Variants in CACNG2 observed in about 807,000 individuals in gnomAD.
CACNG2 encodes calcium voltage-gated channel auxiliary subunit gamma 2.
CACNG2 carries 3 observed loss-of-function variants against 25.9 expected under a neutral mutation model. The ratio of observed to expected loss-of-function variants is 0.12; its 90% CI spans 0.05 to 0.30. The LOEUF is 0.30. Ranked by LOEUF, CACNG2 falls within the 10% of genes least tolerant of loss-of-function variation. The pLI, the probability that CACNG2 is intolerant of heterozygous loss-of-function variation, is 1.00. For synonymous variants in CACNG2, 167 were observed against 173.3 expected (o/e 0.96, Z 0.29); for missense variants, 341 against 432.5 (o/e 0.79, Z 1.88).
At chr22:36,601,401 T>C (rs1266746112) in intron 1 of CACNG2, among the ~76,000 whole-genome samples, 4 of 152,264 alleles carry the variant, frequency 2.6e-5, no homozygotes, top group Admixed American at 1.3e-4. Context: ...AGTTTCTTTA[T>C]TCATTCATCC....
chr22:36,610,847 G>A (rs1011918872), intron 1 of CACNG2, among the ~76,000 whole-genome samples: 1 of 152,176 alleles, frequency 6.6e-6, no homozygotes. Flanking sequence ...TGGGGAGACC[G>A]CCAAGGCCTC....
intron 1 of CACNG2, among the ~76,000 whole-genome samples, chr22:36,607,589 T>C (rs1410490720): frequency 1.3e-5 from 2 of 152,146 alleles, no homozygotes; most frequent in African/African-American, 2.4e-5. Context: ...TTTTGTGGCA[T>C]AGAGTCAAGC....
intron 1 of CACNG2, among the ~76,000 whole-genome samples, chr22:36,623,684 TC>T (rs1333924066): frequency 6.6e-6 from 1 of 152,040 alleles, no homozygotes; most frequent in Non-Finnish European, 1.5e-5. Context: ...CAGCTGAGCA[TC>T]TAGGGGGAAT....
Position 36,564,468 on chromosome 22 carries a change from G to A in CACNG2, c.855C>T (p.Thr285=), listed in dbSNP as rs1433492956. 2.5e-6 allele frequency: 4 copies of A among 1,614,110 alleles called. No individual in the cohort carries two copies. The highest frequency in any genetic ancestry group is 2.2e-5 in the South Asian group (2 of 91,082). Residue 285 remains threonine (T), a synonymous_variant, in exon 4 of 4, where the codon ACC becomes ACT. Transcript: ENST00000300105. The surrounding 1 kb of genome is among the most constrained non-coding windows in gnomAD (Gnocchi z 6.7). ...RDPLKAATTP[T]ATYNSDRDNS... Reference sequence around the variant, plus strand: ...TATCCCTGTCGGAGTTGTAGGTGGCGGTGGGCGTGGTGGCGGCCTTCAGGG... The same window carrying A: ...TATCCCTGTCGGAGTTGTAGGTGGCAGTGGGCGTGGTGGCGGCCTTCAGGG...
chr22:36,666,494 G>GA (rs1936876416), intron 1 of CACNG2, among the ~76,000 whole-genome samples: 1 of 152,110 alleles, frequency 6.6e-6, no homozygotes, highest in African/African-American at 2.4e-5. Context: ...ACAGAATGCA[G>GA]AAGCATGGTT....
At chr22:36,623,183 G>C (rs1323781614) in intron 1 of CACNG2, among the ~76,000 whole-genome samples, 1 of 151,388 alleles carries the variant, frequency 6.6e-6, no homozygotes, top group African/African-American at 2.4e-5. Flanking sequence ...TCCATGTTGG[G>C]CTAATTTTTG....
At chr22:36,695,199 G>C (rs1267928550) in intron 1 of CACNG2, among the ~76,000 whole-genome samples, 2 of 151,984 alleles carry the variant, frequency 1.3e-5, no homozygotes, top group East Asian at 3.9e-4. Context: ...CTGGGTGAAA[G>C]AGTGAGACTC....
At chr22:36,695,983 C>A (rs569473569) in intron 1 of CACNG2, among the ~76,000 whole-genome samples, 1 of 152,244 alleles carries the variant, frequency 6.6e-6, no homozygotes, top group South Asian at 2.1e-4. Context: ...ATGCCTATTG[C>A]GTTTGAATAT....
rs1239740812 is a variant in CACNG2, at chr22:36,619,917, A to G, written c.212-32369T>C. Among the ~76,000 whole-genome samples, 3 of 152,254 alleles carry G rather than the reference A, an allele frequency of 2.0e-5. No homozygotes were observed. In the East Asian group the frequency reaches 5.8e-4, roughly 29 times the overall value. On this transcript the variant is annotated intron_variant, in intron 1 of 3. Transcript: ENST00000300105. ...CATGTTTATCAATCTGTTAAGAGTT[A>G]AATGCTGTCACTTGGGGTCATCGCT...
In CACNG2 at chr22:36,587,378, T is replaced by C. The variant is rs144245296; in HGVS notation, c.295+87A>G. On this transcript the variant is annotated intron_variant, in intron 2 of 3. Transcript: ENST00000300105. ...TGCCCTCTGCTGTGATGAGGGCCTC[T>C]AGGTAGGCCTGGTCCTTGACTCTGT... 707 of 954,888 alleles carry C rather than the reference T, an allele frequency of 7.4e-4. 5 individuals are homozygous for C. The African/African-American group carries it at 9.2e-3, about 12-fold the overall frequency. The allele number at this position is 954,888 out of a possible 1,614,324, so 59.2% of individuals were successfully genotyped here.
At chr22:36,622,697 G>A (rs767670887) in intron 1 of CACNG2, among the ~76,000 whole-genome samples, 13 of 152,126 alleles carry the variant, frequency 8.5e-5, no homozygotes, top group Non-Finnish European at 1.8e-4. Flanking sequence ...GGTGGCTCAC[G>A]CCTGTAATCC....
intron 1 of CACNG2, among the ~76,000 whole-genome samples, chr22:36,686,195 C>A: frequency 6.6e-6 from 1 of 152,154 alleles, no homozygotes; most frequent in East Asian, 1.9e-4. Flanking sequence ...TGGATGGGCC[C>A]CTGTCTAATC....
intron 1 of CACNG2, among the ~76,000 whole-genome samples, chr22:36,620,381 A>G (rs1357548247): frequency 6.6e-6 from 1 of 152,236 alleles, no homozygotes; most frequent in Non-Finnish European, 1.5e-5. Flanking sequence ...CCCCAGAGTG[A>G]TGTTTGCTGT....
chr22:36,651,731 G>A (rs1197482665), intron 1 of CACNG2, among the ~76,000 whole-genome samples: 3 of 152,126 alleles, frequency 2.0e-5, no homozygotes, highest in Non-Finnish European at 2.9e-5. Flanking sequence ...TAGAATAGAG[G>A]TTGGCACATG....
intron 1 of CACNG2, among the ~76,000 whole-genome samples, chr22:36,642,767 G>A (rs903180360): frequency 2.6e-5 from 4 of 152,200 alleles, no homozygotes; most frequent in African/African-American, 9.7e-5. Flanking sequence ...GCAAAGACTT[G>A]TGTAATCATG....
intron 1 of CACNG2, among the ~76,000 whole-genome samples, chr22:36,631,352 C>A (rs1237405029): frequency 1.3e-5 from 2 of 152,130 alleles, no homozygotes; most frequent in Non-Finnish European, 2.9e-5. Flanking sequence ...GTGCATGTGA[C>A]CCTTCCTCCC....
intron 1 of CACNG2, among the ~76,000 whole-genome samples, chr22:36,612,270 T>C (rs562101706): frequency 1.3e-5 from 2 of 152,292 alleles, no homozygotes; most frequent in South Asian, 4.2e-4. Context: ...TACTGGGGTA[T>C]TGGAAGGATA....
At chr22:36,634,023 G>GA (rs1323473471) in intron 1 of CACNG2, among the ~76,000 whole-genome samples, 1 of 152,072 alleles carries the variant, frequency 6.6e-6, no homozygotes, top group Admixed American at 6.5e-5. Flanking sequence ...AGGATGTGGT[G>GA]AAAAAAAGCA....
intron 1 of CACNG2, among the ~76,000 whole-genome samples, chr22:36,697,584 G>T (rs1937356379): frequency 6.6e-6 from 1 of 152,214 alleles, no homozygotes; most frequent in African/African-American, 2.4e-5. Context: ...GAAAGAGGAA[G>T]CAAGGGCAGG....
Sources: allele counts gnomAD v4.1 joint callset (sites outside exome capture counted in the v4.1 genomes callset), GRCh38; gene constraint gnomAD v4.1.1; non-coding constraint Gnocchi (gnomAD v3.1); transcripts MANE v1.5; gene names NCBI Gene and HGNC (gene_info 2026-07-23, HGNC 2026-07-21).